The following NPAS3 variants were observed in gnomAD, a reference collection of about 807,000 sequenced individuals.
NPAS3 encodes the protein neuronal PAS domain protein 3, also known as neuronal PAS domain-containing protein 3.
Under a neutral mutation model 73.1 loss-of-function variants are expected in NPAS3, and 14 were observed. The ratio of observed to expected loss-of-function variants is 0.19; its 90% CI spans 0.13 to 0.30. The LOEUF (loss-of-function observed/expected upper bound fraction) is 0.30, where lower values mean the gene tolerates loss of function less well. Ranked by LOEUF, NPAS3 falls within the 10% of genes least tolerant of loss-of-function variation. The probability of loss-of-function intolerance (pLI) is 1.00; values close to 1 mark genes in which losing one functional copy is unlikely to be tolerated. For missense variants in NPAS3, 1,096 were observed against 1,250.0 expected (o/e 0.88, Z 1.86); for synonymous variants, 620 against 541.5 (o/e 1.14, Z -2.01).
chr14:33,641,485 A>T (rs1419764389), intron 5 of NPAS3, among the ~76,000 whole-genome samples: 1 of 152,106 alleles, frequency 6.6e-6, no homozygotes, highest in Non-Finnish European at 1.5e-5. Flanking sequence ...GTCATGTAAC[A>T]CCACTGGTCC....
chr14:33,450,662 G>T (rs1275632761), intron 4 of NPAS3, among the ~76,000 whole-genome samples: 2 of 152,188 alleles, frequency 1.3e-5, no homozygotes, highest in African/African-American at 4.8e-5. Flanking sequence ...GTATGTTAGA[G>T]TTGGCCATGA....
Position 33,064,893 on chromosome 14 carries a change from G to A in NPAS3, c.140+8899G>A, listed in dbSNP as rs1444730017. Among the ~76,000 whole-genome samples, 5 of 152,172 alleles carry A rather than the reference G, an allele frequency of 3.3e-5. No homozygotes were observed. In the East Asian group the frequency reaches 7.7e-4, roughly 24 times the overall value. On this transcript the variant is annotated intron_variant, in intron 2 of 11. Transcript: ENST00000356141. ...TTGTGAATCCATACACACCTGACTC[G>A]GCTGGGAAATGTCTGGGACGAGGTG...
chr14:33,211,133 G>T (rs1044602383), intron 2 of NPAS3, among the ~76,000 whole-genome samples: 1 of 152,064 alleles, frequency 6.6e-6, no homozygotes, highest in East Asian at 1.9e-4. Flanking sequence ...TAATTCTAAC[G>T]ACAACTTTAT....
At chr14:33,602,825 T>G (rs908100146) in intron 5 of NPAS3, among the ~76,000 whole-genome samples, 1 of 152,172 alleles carries the variant, frequency 6.6e-6, no homozygotes, top group Admixed American at 6.5e-5. Context: ...TAATTAGCCC[T>G]GGTCTGAGCG....
intron 4 of NPAS3, among the ~76,000 whole-genome samples, chr14:33,408,266 C>A (rs1279073580): frequency 1.3e-5 from 2 of 152,078 alleles, no homozygotes; most frequent in South Asian, 2.1e-4. Context: ...CTTTACCTGC[C>A]GAAGTTGGGT....
chr14:33,479,128 T>G (rs2051187869), intron 4 of NPAS3, among the ~76,000 whole-genome samples: 1 of 152,208 alleles, frequency 6.6e-6, no homozygotes, highest in Non-Finnish European at 1.5e-5. Context: ...ACATTATTGT[T>G]AAACCAATGC....
chr14:33,708,151 G>A (rs1045341727), intron 6 of NPAS3, among the ~76,000 whole-genome samples: 18 of 152,126 alleles, frequency 1.2e-4, no homozygotes, highest in Non-Finnish European at 5.9e-5. Context: ...CTGCCCTAAC[G>A]TAGGCAGGTT....
At chr14:33,399,282 G>C (rs1332849778) in intron 4 of NPAS3, among the ~76,000 whole-genome samples, 2 of 152,044 alleles carry the variant, frequency 1.3e-5, no homozygotes, top group Non-Finnish European at 2.9e-5. Context: ...ATTGTTCATG[G>C]AGAGAGTCTG....
chr14:33,479,153 T>C (rs1212764332), intron 4 of NPAS3, among the ~76,000 whole-genome samples: 1 of 152,216 alleles, frequency 6.6e-6, no homozygotes, highest in Non-Finnish European at 1.5e-5. Context: ...TAATATTTCT[T>C]TGTGCTAAGG....
intron 2 of NPAS3, among the ~76,000 whole-genome samples, chr14:33,165,268 G>A (rs765493299): frequency 6.6e-6 from 1 of 151,768 alleles, no homozygotes; most frequent in South Asian, 2.1e-4. Flanking sequence ...AATTGCAGAA[G>A]AGAAGGGTTA....
At chr14:33,055,350 C>T (rs930596942) in intron 1 of NPAS3, among the ~76,000 whole-genome samples, 5 of 152,144 alleles carry the variant, frequency 3.3e-5, no homozygotes, top group South Asian at 2.1e-4. Flanking sequence ...CCCGTGTTCC[C>T]GACGGCCTTG....
At chr14:33,475,308 T>C (rs2050971905) in intron 4 of NPAS3, among the ~76,000 whole-genome samples, 1 of 152,174 alleles carries the variant, frequency 6.6e-6, no homozygotes, top group African/African-American at 2.4e-5. Flanking sequence ...CCTTTTGTTG[T>C]GTTTGGATAC....
exon 12 of NPAS3, chr14:33,801,005 G>A (rs773112341): frequency 2.9e-5 from 46 of 1,589,030 alleles, no homozygotes; most frequent in Non-Finnish European, 3.8e-5. Flanking sequence ...GATGCCCGCC[G>A]GCAACGTGTT....
chr14:33,496,199 G>T (rs897812128), intron 4 of NPAS3, among the ~76,000 whole-genome samples: 2 of 152,176 alleles, frequency 1.3e-5, no homozygotes, highest in South Asian at 4.1e-4. Flanking sequence ...AATTGAGGCA[G>T]TAATTAATAG....
chr14:33,659,822 A>AG, intron 5 of NPAS3, among the ~76,000 whole-genome samples: 1 of 152,180 alleles, frequency 6.6e-6, no homozygotes, highest in East Asian at 1.9e-4. Context: ...GTGCTTAGGT[A>AG]GTGCTGTTCA....
chr14:33,461,682 A>C (rs958422589), intron 4 of NPAS3, among the ~76,000 whole-genome samples: 1 of 152,234 alleles, frequency 6.6e-6, no homozygotes, highest in Admixed American at 6.5e-5. Context: ...AGCAGGTTCC[A>C]GTTTGAAATC....
At chr14:33,313,102 T>C (rs1316532732) in intron 3 of NPAS3, among the ~76,000 whole-genome samples, 1 of 152,026 alleles carries the variant, frequency 6.6e-6, no homozygotes, top group Non-Finnish European at 1.5e-5. Context: ...AATAAGTTTT[T>C]CCCTATAAAG....
intron 5 of NPAS3, among the ~76,000 whole-genome samples, chr14:33,642,887 A>T (rs939320184): frequency 3.3e-5 from 5 of 152,178 alleles, no homozygotes; most frequent in African/African-American, 1.2e-4. Context: ...TTGTTTGCCA[A>T]TATTGTGGCT....
intron 6 of NPAS3, among the ~76,000 whole-genome samples, chr14:33,702,608 T>C (rs559924068): frequency 1.3e-5 from 2 of 152,304 alleles, no homozygotes; most frequent in East Asian, 3.9e-4. Flanking sequence ...AGAAGAACAC[T>C]AACATTCAAT....
Sources: gnomAD v4.1 joint callset for allele counts (sites outside exome capture counted in the v4.1 genomes callset) on GRCh38, gnomAD v4.1.1 for gene constraint, MANE v1.5 for transcripts, NCBI Gene and HGNC (gene_info 2026-07-23, HGNC 2026-07-21) for gene names.